Variants in LRRC37A2 observed in about 807,000 individuals in gnomAD.
LRRC37A2 encodes leucine-rich repeat-containing protein 37A2.
Under a neutral mutation model 68.8 loss-of-function variants are expected in LRRC37A2, and 9 were observed. That is an observed-to-expected ratio of 0.13 (90% confidence interval 0.08 to 0.23). LRRC37A2 has a LOEUF of 0.23. Among genes scored for constraint, LRRC37A2 ranks in the 10% least tolerant of loss-of-function variants. The pLI, the probability that LRRC37A2 is intolerant of heterozygous loss-of-function variation, is 1.00. For missense variants in LRRC37A2, 168 were observed against 950.4 expected, an observed-to-expected ratio of 0.18 and a Z score of 10.82; for synonymous variants, 63 against 367.6, an observed-to-expected ratio of 0.17 and a Z score of 9.48.
At chr17:46,937,273 A>C in the LRRC37A2 span, 1 of 152,136 alleles carries the variant, frequency 6.6e-6, no homozygotes, top group South Asian at 2.1e-4. Flanking sequence ...CCCTCTTGTA[A>C]ATATGGACTT....
the LRRC37A2 span, among the ~76,000 whole-genome samples, chr17:46,859,746 G>C: frequency 6.6e-6 from 1 of 152,136 alleles, no homozygotes; most frequent in African/African-American, 2.4e-5. Context: ...CTAGGATTTT[G>C]ACTGGGATTG....
chr17:47,023,544 G>C, the LRRC37A2 span, among the ~76,000 whole-genome samples: 2 of 152,124 alleles, frequency 1.3e-5, no homozygotes, highest in Non-Finnish European at 2.9e-5. Context: ...AGCCAGGTGT[G>C]GTGGTGGGTG....
chr17:46,838,048 C>T, the LRRC37A2 span, among the ~76,000 whole-genome samples: 1 of 152,084 alleles, frequency 6.6e-6, no homozygotes, highest in Non-Finnish European at 1.5e-5. Context: ...TTGCTCCAAC[C>T]CCTGTGTTGA....
chr17:46,834,015 G>T, the LRRC37A2 span, among the ~76,000 whole-genome samples: 1 of 152,026 alleles, frequency 6.6e-6, no homozygotes, highest in African/African-American at 2.4e-5. Context: ...GGGCAACATA[G>T]TGAGACCCTG....
the LRRC37A2 span, among the ~76,000 whole-genome samples, chr17:46,814,271 A>G: frequency 1.3e-5 from 2 of 152,192 alleles, no homozygotes; most frequent in African/African-American, 2.4e-5. Context: ...ATCCACATAC[A>G]TATTACAGCA....
At chr17:46,832,281 C>G in the LRRC37A2 span, among the ~76,000 whole-genome samples, 2 of 152,132 alleles carry the variant, frequency 1.3e-5, no homozygotes, top group Non-Finnish European at 2.9e-5. Flanking sequence ...GAGCCCCCAC[C>G]CCGGGCCGGC....
At chr17:46,863,886 T>G in the LRRC37A2 span, among the ~76,000 whole-genome samples, 1 of 152,092 alleles carries the variant, frequency 6.6e-6, no homozygotes, top group East Asian at 1.9e-4. Flanking sequence ...TGGACTACTC[T>G]GGGGGTGGAT....
At chr17:46,757,871 A>G in the LRRC37A2 span, among the ~76,000 whole-genome samples, 1 of 152,004 alleles carries the variant, frequency 6.6e-6, no homozygotes, top group Non-Finnish European at 1.5e-5. Context: ...GCACATGCCT[A>G]TAATCCCAGC....
chr17:46,950,854 A>G, the LRRC37A2 span, among the ~76,000 whole-genome samples: 2 of 152,194 alleles, frequency 1.3e-5, no homozygotes, highest in South Asian at 2.1e-4. Flanking sequence ...CTTGGGGACC[A>G]CCAAGCCAGA....
chr17:46,414,864 AACTACAGTCAGTGCATT>A, the LRRC37A2 span, among the ~76,000 whole-genome samples: 1 of 63,110 alleles, frequency 1.6e-5, no homozygotes, highest in African/African-American at 6.7e-5. Flanking sequence ...TGCATTTGAA[AACTACAGTCAGTGCATT>A]ACTACAGTCA....
chr17:46,773,410 C>T, the LRRC37A2 span, among the ~76,000 whole-genome samples: 3 of 152,212 alleles, frequency 2.0e-5, no homozygotes, highest in Non-Finnish European at 1.5e-5. Context: ...CCTGAGGCGC[C>T]CACTGTGCAA....
At chr17:46,979,307 A>C in the LRRC37A2 span, 2 of 227,384 alleles carry the variant, frequency 8.8e-6, no homozygotes, top group Non-Finnish European at 8.9e-6. Context: ...CTCCCCTAGC[A>C]ACGGCCCGGC....
the LRRC37A2 span, among the ~76,000 whole-genome samples, chr17:46,972,470 T>C: frequency 1.7e-4 from 26 of 152,246 alleles, no homozygotes; most frequent in South Asian, 1.9e-3. Flanking sequence ...CCCGAGCCCT[T>C]GCTGAACCTC....
the LRRC37A2 span, chr17:46,721,782 A>G: frequency 2.5e-6 from 4 of 1,602,498 alleles, no homozygotes; most frequent in Non-Finnish European, 3.4e-6. Flanking sequence ...TCCTCAAGGA[A>G]GGCATCGTGC....
chr17:46,890,041 C>T, the LRRC37A2 span, among the ~76,000 whole-genome samples: 1 of 152,198 alleles, frequency 6.6e-6, no homozygotes, highest in Non-Finnish European at 1.5e-5. Flanking sequence ...CCTCCCATGC[C>T]ACCATTTCAG....
the LRRC37A2 span, among the ~76,000 whole-genome samples, chr17:46,725,675 A>G: frequency 6.6e-6 from 1 of 152,162 alleles, no homozygotes; most frequent in Non-Finnish European, 1.5e-5. Flanking sequence ...GAAGGAATAT[A>G]TGCCATTCCA....
At chr17:46,962,328 CA>C in the LRRC37A2 span, among the ~76,000 whole-genome samples, 218 of 139,288 alleles carry the variant, frequency 1.6e-3, no homozygotes, top group Middle Eastern at 3.7e-3. Flanking sequence ...GACTCCATCT[CA>C]AAAAAAAAAA....
At chr17:46,835,420 C>T in the LRRC37A2 span, among the ~76,000 whole-genome samples, 1 of 152,052 alleles carries the variant, frequency 6.6e-6, no homozygotes, top group East Asian at 1.9e-4. Flanking sequence ...ACCGTGTTAG[C>T]CAGGATGGTA....
the LRRC37A2 span, among the ~76,000 whole-genome samples, chr17:46,944,202 G>C: frequency 6.6e-6 from 1 of 152,248 alleles, no homozygotes; most frequent in Non-Finnish European, 1.5e-5. Context: ...TCCAGTGCCA[G>C]TGTTAGCTGT....
Sources: gnomAD v4.1 joint callset for allele counts (sites outside exome capture counted in the v4.1 genomes callset) on GRCh38, gnomAD v4.1.1 for gene constraint, MANE v1.5 for transcripts, NCBI Gene and HGNC (gene_info 2026-07-23, HGNC 2026-07-21) for gene names.